SRD5A1: variants seen among roughly 807,000 people sequenced by gnomAD.
SRD5A1 encodes steroid 5 alpha-reductase 1.
SRD5A1 carries 22 observed loss-of-function variants against 28.2 expected under a neutral mutation model. That is an observed-to-expected ratio of 0.78 (90% confidence interval 0.56 to 1.12). The LOEUF (loss-of-function observed/expected upper bound fraction) is 1.12. SRD5A1 is among the 50% of genes most tolerant of loss of function. The pLI is 0.00. For synonymous variants in SRD5A1, 151 were observed against 135.0 expected (o/e 1.12, Z -0.82); for missense variants, 300 against 346.7 (o/e 0.87, Z 1.07).
intron 1 of SRD5A1, among the ~76,000 whole-genome samples, chr5:6,650,496 CTT>C (rs1364497129): frequency 1.3e-5 from 2 of 151,682 alleles, no homozygotes; most frequent in Non-Finnish European, 2.9e-5. Flanking sequence ...GTGTTATACA[CTT>C]ATATTAAAAA....
At chr5:6,646,011 C>T (rs1738498251) in intron 1 of SRD5A1, among the ~76,000 whole-genome samples, 2 of 152,130 alleles carry the variant, frequency 1.3e-5, no homozygotes, top group Admixed American at 1.3e-4. Context: ...CACCCCACAA[C>T]AGGCCCCAGT....
chr5:6,634,853 G>A (rs1046191779), intron 1 of SRD5A1, among the ~76,000 whole-genome samples: 7 of 152,178 alleles, frequency 4.6e-5, no homozygotes, highest in African/African-American at 1.7e-4. Context: ...CAAAGCAAAC[G>A]ACAGGTCGAA....
chr5:6,672,252 C>T lies in SRD5A1; in HGVS notation c.*3984C>T, dbSNP rs1739382383. 1 of 152,280 alleles carries T rather than the reference C, an allele frequency of 6.6e-6. No individual in the cohort carries two copies. The highest frequency in any genetic ancestry group is 2.4e-5 in the African/African-American group (1 of 41,370). The allele number at this position is 152,280 out of a possible 1,614,324, so 9.4% of individuals were successfully genotyped here. ...CCTGGTAAAGCTAGCTGTTGATACT[C>T]CTGACTGTTGCATTATTTTGTTTTT... On this transcript the variant is annotated 3_prime_UTR_variant, in exon 5 of 5. Transcript: ENST00000274192.
chr5:6,651,429 A>C (rs1364638865), intron 1 of SRD5A1, among the ~76,000 whole-genome samples: 2 of 152,232 alleles, frequency 1.3e-5, no homozygotes, highest in Admixed American at 1.3e-4. Flanking sequence ...ACAACAAGGC[A>C]GGAAGATCAC....
At chr5:6,657,994 G>A (rs1490182110) in intron 3 of SRD5A1, among the ~76,000 whole-genome samples, 1 of 152,188 alleles carries the variant, frequency 6.6e-6, no homozygotes, top group East Asian at 1.9e-4. Context: ...CACAAAGCAG[G>A]GGAAAATTGT....
chr5:6,649,486 CT>C (rs1440305451), intron 1 of SRD5A1, among the ~76,000 whole-genome samples: 2 of 152,230 alleles, frequency 1.3e-5, no homozygotes, highest in African/African-American at 4.8e-5. Context: ...CCAGGTCAAC[CT>C]CAAACTGCTC....
chr5:6,635,058 A>G (rs1215263455), intron 1 of SRD5A1, among the ~76,000 whole-genome samples: 2 of 152,250 alleles, frequency 1.3e-5, no homozygotes, highest in Non-Finnish European at 2.9e-5. Flanking sequence ...GTGTGTGTTT[A>G]TAAGCCTCTC....
chr5:6,639,724 A>G (rs910800809), intron 1 of SRD5A1, among the ~76,000 whole-genome samples: 26 of 152,326 alleles, frequency 1.7e-4, no homozygotes, highest in African/African-American at 5.8e-4. Flanking sequence ...CGTGTCTCTC[A>G]TTCTGTCTGT....
At chr5:6,660,323 G>T (rs1738964661) in intron 3 of SRD5A1, among the ~76,000 whole-genome samples, 1 of 152,242 alleles carries the variant, frequency 6.6e-6, no homozygotes, top group African/African-American at 2.4e-5. Context: ...TCCCACACCA[G>T]ACACTTAAGA....
At chr5:6,636,036 G>T (rs1040863167) in intron 1 of SRD5A1, among the ~76,000 whole-genome samples, 2 of 151,710 alleles carry the variant, frequency 1.3e-5, no homozygotes, top group Admixed American at 6.6e-5. Context: ...GCTCCAAGAG[G>T]ATTGGCTGGG....
At chr5:6,650,614 G>C (rs1406365122) in intron 1 of SRD5A1, among the ~76,000 whole-genome samples, 1 of 151,048 alleles carries the variant, frequency 6.6e-6, no homozygotes, top group East Asian at 1.9e-4. Context: ...ACCTAAGCCA[G>C]TGTGGTACAA....
chr5:6,634,634 A>G (rs1738120656), intron 1 of SRD5A1, among the ~76,000 whole-genome samples: 4 of 152,362 alleles, frequency 2.6e-5, no homozygotes, highest in Admixed American at 2.6e-4. Flanking sequence ...AGAGACTTTC[A>G]TGTCCACCTT....
intron 1 of SRD5A1, 119 bp from the exon 2 acceptor site, chr5:6,651,723 A>T: frequency 1.1e-6 from 1 of 915,340 alleles, no homozygotes; most frequent in Non-Finnish European, 1.6e-6. Context: ...TATAAATGTT[A>T]CTGAGGATGA....
intron 2 of SRD5A1, among the ~76,000 whole-genome samples, chr5:6,654,985 C>T (rs1012868944): frequency 2.6e-5 from 4 of 151,940 alleles, no homozygotes; most frequent in South Asian, 2.1e-4. Flanking sequence ...ACTTACAAAA[C>T]GTATTATAAA....
intron 1 of SRD5A1, among the ~76,000 whole-genome samples, chr5:6,642,468 AG>A (rs1738393905): frequency 6.6e-6 from 1 of 152,256 alleles, no homozygotes; most frequent in Admixed American, 6.5e-5. Context: ...ATGGAAATCC[AG>A]GTTCACACAC....
At chr5:6,656,659 G>A (rs1047235365) in intron 3 of SRD5A1, among the ~76,000 whole-genome samples, 6 of 152,218 alleles carry the variant, frequency 3.9e-5, no homozygotes, top group Middle Eastern at 3.4e-3. Flanking sequence ...GTGATGAGGC[G>A]CCGACCACCA....
At chr5:6,649,801 C>A (rs1738618123) in intron 1 of SRD5A1, among the ~76,000 whole-genome samples, 1 of 152,108 alleles carries the variant, frequency 6.6e-6, no homozygotes. Context: ...AAGCCAGTTA[C>A]CTCAGTTGGA....
intron 3 of SRD5A1, among the ~76,000 whole-genome samples, chr5:6,656,926 T>G (rs1413755304): frequency 6.6e-6 from 1 of 152,120 alleles, no homozygotes; most frequent in Non-Finnish European, 1.5e-5. Context: ...ACATGAAAGA[T>G]TTCAGATGTT....
chr5:6,636,954 C>T (rs950543676), intron 1 of SRD5A1, among the ~76,000 whole-genome samples: 3 of 152,096 alleles, frequency 2.0e-5, no homozygotes, highest in Non-Finnish European at 2.9e-5. Flanking sequence ...TGACGCAGGA[C>T]GAGCTGTGGT....
Sources: gnomAD v4.1 joint callset for allele counts (sites outside exome capture counted in the v4.1 genomes callset) on GRCh38, gnomAD v4.1.1 for gene constraint, MANE v1.5 for transcripts, NCBI Gene and HGNC (gene_info 2026-07-23, HGNC 2026-07-21) for gene names.